The following LARP4B variants were observed in gnomAD, a reference collection of about 807,000 sequenced individuals.
LARP4B encodes the protein La ribonucleoprotein 4B.
A neutral mutation model predicts 89.8 loss-of-function variants in LARP4B; 12 were observed. That is an observed-to-expected ratio of 0.13 (90% CI 0.09 to 0.22). The LOEUF is 0.22. LARP4B is among the 10% of genes least tolerant of loss of function. LARP4B has a pLI of 1.00. For synonymous variants in LARP4B, 367 were observed against 363.3 expected (o/e 1.01, Z -0.12); for missense variants, 757 against 947.7 (o/e 0.80, Z 2.64).
chr10:899,066 T>G (rs1836263522), intron 1 of LARP4B, among the ~76,000 whole-genome samples: 1 of 152,230 alleles, frequency 6.6e-6, no homozygotes, highest in Non-Finnish European at 1.5e-5. Flanking sequence ...GTACAGATCA[T>G]GATTTTAGCA....
In LARP4B at chr10:829,549, T is replaced by G; in HGVS notation, c.961A>C (p.Lys321Gln). 6.2e-7 allele frequency: 1 copy of G among 1,614,184 alleles called. No homozygotes were observed. Among genetic ancestry groups the G allele is most frequent in the Non-Finnish European group, 8.5e-7 (1 of 1,180,036 alleles). Reference sequence around the variant, plus strand: ...ACGTCCAGGGGTCTAAATCCATTCTTTGGCAAAAATGTGTTTATAGCTATT... The same window carrying G: ...ACGTCCAGGGGTCTAAATCCATTCTGTGGCAAAAATGTGTTTATAGCTATT... ...KAIAINTFLP[K>Q]NGFRPLDVSL... is the part of the protein sequence containing the mutation. Residue 321 changes from lysine to glutamine, a missense_variant, in exon 11 of 18, where the codon AAG becomes CAG. By Grantham distance (53) the Lys-to-Gln change is moderately conservative (BLOSUM62 1). Around this residue, in one of 5 missense-constraint regions of LARP4B, gnomAD observed 137 missense variants for 213.9 expected, o/e 0.64. Coordinates refer to ENST00000316157, the MANE Select transcript of LARP4B (RefSeq NM_015155.3).
chr10:936,636 T>C (rs978875325), upstream of LARP4B, among the ~76,000 whole-genome samples: 3 of 152,108 alleles, frequency 2.0e-5, no homozygotes, highest in African/African-American at 7.2e-5. Flanking sequence ...GGCAGAAGAA[T>C]TGCTTAAACC....
intron 1 of LARP4B, among the ~76,000 whole-genome samples, chr10:930,491 T>C (rs1390613205): frequency 1.3e-5 from 2 of 152,168 alleles, no homozygotes; most frequent in Non-Finnish European, 2.9e-5. Flanking sequence ...TCAAGTTTCA[T>C]CTCAGCCAAG....
intron 2 of LARP4B, 24 bp downstream of exon 2, chr10:885,617 A>G: frequency 6.3e-7 from 1 of 1,592,504 alleles, no homozygotes; most frequent in Non-Finnish European, 8.6e-7. Flanking sequence ...TGGACTCCCC[A>G]CCACCCCATT....
rs1026718760 is a variant in LARP4B, at chr10:931,541, G to C, written c.-153C>G. 8 of 150,890 alleles carry C rather than the reference G, an allele frequency of 5.3e-5. No individual in the cohort carries two copies. Among genetic ancestry groups the C allele is most frequent in the African/African-American group, 1.7e-4 (7 of 41,232 alleles). 9.3% of individuals were successfully genotyped at this position (150,890 alleles called of 1,614,324 possible). ...GGCGAGGAGAGAGACGGCAGGGAGA[G>C]GCGGCGCGGCCGGGCCGGGCCGGGC... is the stretch of plus-strand genomic sequence containing the variant. On this transcript the variant is annotated 5_prime_UTR_variant, in exon 1 of 18. Transcript: ENST00000316157.
At chr10:950,059 A>G in the LARP4B span, among the ~76,000 whole-genome samples, 4 of 151,144 alleles carry the variant, frequency 2.6e-5, no homozygotes, top group South Asian at 8.3e-4. Context: ...TACAGGCGTG[A>G]GCCACTGTGC....
the LARP4B span, among the ~76,000 whole-genome samples, chr10:974,811 G>A: frequency 0.046 from 7,000 of 152,322 alleles, 533 homozygotes; most frequent in African/African-American, 0.16. Flanking sequence ...CACGCTCATC[G>A]AAAGCTTGGA....
At chr10:909,341 T>A (rs879480895) in intron 1 of LARP4B, among the ~76,000 whole-genome samples, 2 of 147,252 alleles carry the variant, frequency 1.4e-5, no homozygotes, top group Admixed American at 1.4e-4. Context: ...AGAGAGTCAA[T>A]GTCACTGACT....
intron 5 of LARP4B, among the ~76,000 whole-genome samples, chr10:853,799 G>A (rs145610460): frequency 1.1e-3 from 170 of 152,322 alleles, no homozygotes; most frequent in African/African-American, 3.8e-3. Context: ...TGACTGTTCA[G>A]GATGGTGGCT....
intron 1 of LARP4B, among the ~76,000 whole-genome samples, chr10:909,293 CAAAAAAAAAA>C (rs56787174): frequency 1.2e-5 from 1 of 80,868 alleles, no homozygotes; most frequent in Admixed American, 1.2e-4. Flanking sequence ...GACTCCGTCT[CAAAAAAAAAA>C]AAAAAAAAAG....
chr10:923,503 T>TAAAAAAAAAAAAAAAAA (rs201722042), intron 1 of LARP4B, among the ~76,000 whole-genome samples: 1 of 122,744 alleles, frequency 8.1e-6, no homozygotes. Flanking sequence ...ATGGACCCAG[T>TAAAAAAAAAAAAAAAAA]AAAAAAAAAA....
rs754387230 is a variant in LARP4B at position 814,616 on chromosome 10, C to G, written c.1929+126G>C. ...TTTTGTACAGAAAACACAACACAGA[C>G]AGACGCAAATAAAAACCCACCAAAT... is the stretch of plus-strand genomic sequence containing the variant. On this transcript the variant is annotated intron_variant, in intron 17 of 17. Transcript: ENST00000316157. This position sits in a 1 kb window ranked among gnomAD's most constrained non-coding sequence, Gnocchi z 4.4. 6.5e-6 allele frequency: 10 copies of G among 1,545,678 alleles called. No homozygotes were observed. Among genetic ancestry groups the G allele is most frequent in the Admixed American group, 2.0e-5 (1 of 50,930 alleles).
intron 8 of LARP4B, among the ~76,000 whole-genome samples, chr10:832,091 C>T (rs1277928240): frequency 6.6e-6 from 1 of 152,052 alleles, no homozygotes; most frequent in Non-Finnish European, 1.5e-5. Flanking sequence ...TCGCCCAGGC[C>T]AGAGTTCAGT....
Position 873,428 on chromosome 10 carries a change from T to A in LARP4B, c.142-9158A>T, listed in dbSNP as rs1257535285. The stretch of plus-strand genomic sequence containing the variant: ...TGCGCTGTATTTTTTCTTACTCTCA[T>A]AAACTCAATAAAACATAACTTAAAA... On this transcript the variant is annotated intron_variant, in intron 3 of 17. Coordinates refer to ENST00000316157, the MANE Select transcript of LARP4B (RefSeq NM_015155.3). 4.1e-6 allele frequency: 4 copies of A among 984,102 alleles called. No individual in the cohort carries two copies. The East Asian group carries it at 4.5e-4, about 111-fold the overall frequency. 61.0% of individuals were successfully genotyped at this position (984,102 alleles called of 1,614,324 possible). A position where few individuals can be genotyped will look rare whatever the true frequency, so the allele number is the denominator to read the frequency against.
chr10:937,559 G>A, the LARP4B span, among the ~76,000 whole-genome samples: 1 of 152,156 alleles, frequency 6.6e-6, no homozygotes, highest in Admixed American at 6.6e-5. Context: ...AGTAATCAAT[G>A]TTAGCATCAC....
chr10:967,022 C>T, the LARP4B span, among the ~76,000 whole-genome samples: 2 of 152,190 alleles, frequency 1.3e-5, no homozygotes, highest in Admixed American at 1.3e-4. Context: ...CTCATTCATC[C>T]ACTTGGAAAG....
intron 1 of LARP4B, among the ~76,000 whole-genome samples, chr10:901,627 T>C (rs1455296270): frequency 6.6e-6 from 1 of 152,222 alleles, no homozygotes; most frequent in East Asian, 1.9e-4. Flanking sequence ...TTCATGTTCT[T>C]ATAGTAAGTG....
At chr10:829,624 A>T (rs1300153496) in intron 10 of LARP4B, 30 bp from the exon 11 acceptor site, 14 of 1,609,572 alleles carry the variant, frequency 8.7e-6, no homozygotes, top group Non-Finnish European at 1.2e-5. Flanking sequence ...TTTCTATTAG[A>T]ATACTTAAGA....
At chr10:892,674 G>C (rs1333923873) in intron 1 of LARP4B, among the ~76,000 whole-genome samples, 1 of 151,778 alleles carries the variant, frequency 6.6e-6, no homozygotes, top group East Asian at 1.9e-4. Flanking sequence ...CGAGTAGCTG[G>C]GACTACAGGC....
Sources: allele counts gnomAD v4.1 joint callset (sites outside exome capture counted in the v4.1 genomes callset), GRCh38; gene constraint gnomAD v4.1.1; regional missense constraint gnomAD v4.1.1; non-coding constraint Gnocchi (gnomAD v3.1); transcripts MANE v1.5; gene names NCBI Gene and HGNC (gene_info 2026-07-23, HGNC 2026-07-21).